KCNAB1: variants seen among roughly 807,000 people sequenced by gnomAD.
KCNAB1 encodes voltage-gated potassium channel subunit beta-1.
KCNAB1 carries 35 observed loss-of-function variants against 64.6 expected under a neutral mutation model. The ratio of observed to expected loss-of-function variants is 0.54; its 90% CI spans 0.41 to 0.72. The LOEUF (loss-of-function observed/expected upper bound fraction) is 0.72, where lower values mean the gene tolerates loss of function less well. KCNAB1 is among the 30% of genes least tolerant of loss of function. The pLI is 0.00. For missense variants in KCNAB1, 401 were observed against 512.9 expected, an observed-to-expected ratio of 0.78 and a Z score of 2.11; for synonymous variants, 177 against 183.8, an observed-to-expected ratio of 0.96 and a Z score of 0.30.
chr3:156,241,091 C>T (rs1253925287), intron 1 of KCNAB1, among the ~76,000 whole-genome samples: 3 of 152,218 alleles, frequency 2.0e-5, no homozygotes, highest in African/African-American at 4.8e-5. Context: ...TTCCAGCCTG[C>T]CATGTGCAGG....
At chr3:156,432,968 A>C (rs1351463978) in intron 2 of KCNAB1, among the ~76,000 whole-genome samples, 1 of 152,092 alleles carries the variant, frequency 6.6e-6, no homozygotes, top group Non-Finnish European at 1.5e-5. Flanking sequence ...GGCCCTGCTG[A>C]TGGATTTGCT....
intron 1 of KCNAB1, among the ~76,000 whole-genome samples, chr3:156,133,176 G>T (rs1210610354): frequency 6.6e-6 from 1 of 152,220 alleles, no homozygotes; most frequent in African/African-American, 2.4e-5. Flanking sequence ...TTTAGGAGGT[G>T]AGAGTCAGCA....
At chr3:156,318,295 C>T (rs1230019852) in intron 1 of KCNAB1, among the ~76,000 whole-genome samples, 3 of 152,126 alleles carry the variant, frequency 2.0e-5, no homozygotes, top group Non-Finnish European at 2.9e-5. Context: ...AATTTAGAAT[C>T]GTGGTTGTTA....
chr3:156,440,259 G>T (rs773837702), intron 2 of KCNAB1, among the ~76,000 whole-genome samples: 1 of 152,180 alleles, frequency 6.6e-6, no homozygotes, highest in Non-Finnish European at 1.5e-5. Context: ...TATATTTTTT[G>T]ATGTCTCTAG....
chr3:156,476,574 C>T (rs1714374526), intron 8 of KCNAB1, among the ~76,000 whole-genome samples: 1 of 147,592 alleles, frequency 6.8e-6, no homozygotes, highest in Non-Finnish European at 1.5e-5. Context: ...TACACACACA[C>T]ACACATATAT....
chr3:156,430,798 T>C (rs937475923), intron 2 of KCNAB1, among the ~76,000 whole-genome samples: 23 of 152,282 alleles, frequency 1.5e-4, no homozygotes, highest in African/African-American at 5.3e-4. Context: ...GAAATGAGAA[T>C]GGCTGCACCA....
At chr3:156,507,079 C>T (rs997721745) in intron 8 of KCNAB1, among the ~76,000 whole-genome samples, 1 of 152,162 alleles carries the variant, frequency 6.6e-6, no homozygotes, top group Non-Finnish European at 1.5e-5. Context: ...TCCATCAATG[C>T]ATTATGCAAA....
At chr3:156,327,259 G>A (rs572947843) in intron 1 of KCNAB1, among the ~76,000 whole-genome samples, 4 of 152,168 alleles carry the variant, frequency 2.6e-5, no homozygotes, top group East Asian at 1.9e-4. Context: ...TAATCTGCCC[G>A]AAATAGACAG....
intron 13 of KCNAB1, among the ~76,000 whole-genome samples, chr3:156,535,167 C>G (rs1158884110): frequency 6.6e-6 from 1 of 152,166 alleles, no homozygotes; most frequent in Non-Finnish European, 1.5e-5. Context: ...AAAACATTAA[C>G]CAGAATGAAG....
intron 1 of KCNAB1, among the ~76,000 whole-genome samples, chr3:156,312,207 G>A (rs954600906): frequency 6.6e-6 from 1 of 152,116 alleles, no homozygotes; most frequent in Non-Finnish European, 1.5e-5. Flanking sequence ...TAAAATAGGC[G>A]ACAGGTATTG....
intron 1 of KCNAB1, among the ~76,000 whole-genome samples, chr3:156,166,497 C>G (rs1711568391): frequency 6.6e-6 from 1 of 151,748 alleles, no homozygotes; most frequent in African/African-American, 2.4e-5. Context: ...TTATTTTTAT[C>G]ATTGTGCTAG....
At chr3:156,235,612 A>C (rs1474454297) in intron 1 of KCNAB1, among the ~76,000 whole-genome samples, 2 of 152,204 alleles carry the variant, frequency 1.3e-5, no homozygotes, top group Admixed American at 6.5e-5. Context: ...AGAAATCATC[A>C]TGGTGGATAC....
intron 1 of KCNAB1, among the ~76,000 whole-genome samples, chr3:156,327,464 A>G (rs1474232429): frequency 6.6e-6 from 1 of 152,178 alleles, no homozygotes; most frequent in Non-Finnish European, 1.5e-5. Flanking sequence ...ATTTCAAGCC[A>G]TATTTAGCAA....
intron 1 of KCNAB1, 100 bp downstream of exon 1, chr3:156,120,986 G>T: frequency 7.2e-7 from 1 of 1,390,390 alleles, no homozygotes. Flanking sequence ...AAGTCTTAAC[G>T]GCTCTAATTG....
intron 1 of KCNAB1, among the ~76,000 whole-genome samples, chr3:156,338,281 T>C (rs772470446): frequency 4.5e-4 from 67 of 148,386 alleles, no homozygotes; most frequent in Non-Finnish European, 7.9e-4. Context: ...TCACTCATCT[T>C]ATACTTTCTT....
intron 1 of KCNAB1, among the ~76,000 whole-genome samples, chr3:156,278,281 G>T (rs1170558960): frequency 6.6e-6 from 1 of 152,114 alleles, no homozygotes; most frequent in Non-Finnish European, 1.5e-5. Flanking sequence ...AGACCTTCAG[G>T]TTAGATATTT....
intron 1 of KCNAB1, among the ~76,000 whole-genome samples, chr3:156,241,762 C>T (rs1007261962): frequency 2.6e-5 from 4 of 151,786 alleles, no homozygotes; most frequent in East Asian, 3.9e-4. Context: ...TATTTTTATT[C>T]GTGTTTTCCT....
At chr3:156,480,819 C>T (rs1416404717) in intron 8 of KCNAB1, among the ~76,000 whole-genome samples, 1 of 152,096 alleles carries the variant, frequency 6.6e-6, no homozygotes, top group African/African-American at 2.4e-5. Flanking sequence ...CTGTACTTGA[C>T]CACGCAGGCT....
chr3:156,394,575 A>C (rs2108175295), intron 1 of KCNAB1, among the ~76,000 whole-genome samples: 1 of 147,792 alleles, frequency 6.8e-6, no homozygotes, highest in East Asian at 1.9e-4. Flanking sequence ...AGTGAAGACA[A>C]GCTCTGTGGG....
Sources: allele counts gnomAD v4.1 joint callset (sites outside exome capture counted in the v4.1 genomes callset), GRCh38; gene constraint gnomAD v4.1.1; transcripts MANE v1.5; gene names NCBI Gene and HGNC (gene_info 2026-07-23, HGNC 2026-07-21).